YEATS4: variants seen among roughly 807,000 people sequenced by gnomAD.
YEATS4 encodes the protein YEATS domain-containing protein 4.
YEATS4 carries 17 observed loss-of-function variants against 30.1 expected under a neutral mutation model. The observed-to-expected ratio is 0.56, with a 90% CI of 0.39 to 0.85. The LOEUF (loss-of-function observed/expected upper bound fraction) is 0.85, where lower values mean the gene tolerates loss of function less well. Among genes scored for constraint, YEATS4 ranks in the 40% least tolerant of loss-of-function variants. YEATS4 has a pLI of 0.00. For synonymous variants in YEATS4, 85 were observed against 87.5 expected, an observed-to-expected ratio of 0.97 and a Z score of 0.16; for missense variants, 142 against 268.3, an observed-to-expected ratio of 0.53 and a Z score of 3.29.
intron 4 of YEATS4, among the ~76,000 whole-genome samples, chr12:69,369,540 T>C (rs141671111): frequency 0.01 from 1,574 of 152,328 alleles, 32 homozygotes; most frequent in African/African-American, 0.036. Flanking sequence ...TTGCCAGTTC[T>C]GAGCTTGGAG....
intron 4 of YEATS4, among the ~76,000 whole-genome samples, chr12:69,370,361 A>G (rs989175246): frequency 1.3e-5 from 2 of 152,352 alleles, no homozygotes; most frequent in Middle Eastern, 3.4e-3. Flanking sequence ...AGCAGTCACA[A>G]TTAATCCACT....
intron 6 of YEATS4, among the ~76,000 whole-genome samples, chr12:69,371,923 G>C (rs1652847815): frequency 6.6e-6 from 1 of 152,188 alleles, no homozygotes; most frequent in African/African-American, 2.4e-5. Flanking sequence ...GTAAAGGAGT[G>C]ATCTAAGGGA....
In YEATS4 at chr12:69,370,980, G is replaced by A. The variant is rs747908203; in HGVS notation, c.514+5G>A. On this transcript the variant is annotated splice_donor_5th_base_variant and intron_variant, in intron 6 of 6. Transcript: ENST00000247843. ...CCTATAAGCATGAAACAGAATGTAA[G>A]TGCCATGCATTCATAATTCTGAAAA... 6 of 1,604,652 alleles carry A rather than the reference G, an allele frequency of 3.7e-6. No individual in the cohort carries two copies. Among genetic ancestry groups the A allele is most frequent in the South Asian group, 3.4e-5 (3 of 88,992 alleles).
the YEATS4 span, among the ~76,000 whole-genome samples, chr12:69,418,498 T>C: frequency 1.3e-5 from 2 of 152,182 alleles, no homozygotes; most frequent in African/African-American, 4.8e-5. Flanking sequence ...CAAATCTTGA[T>C]TGTCAGTTTG....
At chr12:69,411,701 A>G in the YEATS4 span, among the ~76,000 whole-genome samples, 1 of 152,232 alleles carries the variant, frequency 6.6e-6, no homozygotes, top group Non-Finnish European at 1.5e-5. Context: ...AGAAGGTGGC[A>G]TTAGTGCGAG....
At chr12:69,387,077 C>T (rs543518759) in intron 6 of YEATS4, among the ~76,000 whole-genome samples, 1 of 152,010 alleles carries the variant, frequency 6.6e-6, no homozygotes, top group Admixed American at 6.5e-5. Context: ...TAACTGTAAG[C>T]ATGGAAAATG....
Position 69,359,962 on chromosome 12 carries a change from C to T in YEATS4, c.-11C>T, listed in dbSNP as rs1220744215. The T allele has an allele frequency of 6.2e-7, 1 of 1,612,150 alleles. No individual in the cohort carries two copies. Among genetic ancestry groups the T allele is most frequent in the Non-Finnish European group, 8.5e-7 (1 of 1,179,024 alleles). ...TTTCCCTGGCGGCGGCGGCTTCTTC[C>T]GTGGGACAATATGTTCAAGAGAATG... is the stretch of plus-strand genomic sequence containing the variant. On this transcript the variant is annotated 5_prime_UTR_variant, in exon 1 of 7. Coordinates refer to ENST00000247843, the MANE Select transcript of YEATS4 (RefSeq NM_006530.4).
intron 6 of YEATS4, among the ~76,000 whole-genome samples, chr12:69,380,339 T>C (rs1876024725): frequency 6.6e-6 from 1 of 152,200 alleles, no homozygotes; most frequent in Non-Finnish European, 1.5e-5. Flanking sequence ...AGTAATGCTG[T>C]GGTTCTTGCA....
chr12:69,403,918 C>T, the YEATS4 span, among the ~76,000 whole-genome samples: 8 of 152,258 alleles, frequency 5.3e-5, no homozygotes, highest in African/African-American at 1.9e-4. Flanking sequence ...TCTTCTCTCT[C>T]TTTCACCATG....
chr12:69,415,582 T>G, the YEATS4 span, among the ~76,000 whole-genome samples: 1,782 of 152,158 alleles, frequency 0.012, 16 homozygotes, highest in Non-Finnish European at 0.016. Flanking sequence ...AACAGGTATT[T>G]GGAGCAAGCA....
chr12:69,370,133 C>A (rs1875583677), intron 4 of YEATS4, among the ~76,000 whole-genome samples: 1 of 152,186 alleles, frequency 6.6e-6, no homozygotes, highest in Admixed American at 6.5e-5. Context: ...GAAATAATCA[C>A]ACATTGTGCT....
intron 6 of YEATS4, among the ~76,000 whole-genome samples, chr12:69,389,853 T>G (rs1355045239): frequency 6.6e-6 from 1 of 152,114 alleles, no homozygotes; most frequent in Non-Finnish European, 1.5e-5. Flanking sequence ...GTGTGCCCCC[T>G]TATTTCAATC....
At chr12:69,404,844 T>C in the YEATS4 span, among the ~76,000 whole-genome samples, 33 of 152,336 alleles carry the variant, frequency 2.2e-4, no homozygotes, top group African/African-American at 7.0e-4. Flanking sequence ...CTGCCTTGAT[T>C]AGACTTGGGT....
downstream of YEATS4, among the ~76,000 whole-genome samples, chr12:69,391,953 T>C (rs577454874): frequency 4.6e-5 from 7 of 152,204 alleles, no homozygotes; most frequent in Admixed American, 2.0e-4. Context: ...GTTCAAAATA[T>C]GTGGTCATGG....
chr12:69,393,727 AATACAGAT>A (rs1266591103), downstream of YEATS4, among the ~76,000 whole-genome samples: 95 of 152,310 alleles, frequency 6.2e-4, no homozygotes, highest in African/African-American at 2.0e-3. Context: ...GGGGAGTAGA[AATACAGAT>A]GAAACAAGAT....
At chr12:69,423,584 G>A in the YEATS4 span, among the ~76,000 whole-genome samples, 3 of 152,216 alleles carry the variant, frequency 2.0e-5, no homozygotes, top group African/African-American at 7.2e-5. Context: ...CTGAAACAGA[G>A]TGCCTTGGCA....
intron 4 of YEATS4, among the ~76,000 whole-genome samples, chr12:69,369,055 C>G (rs1233497890): frequency 6.6e-6 from 1 of 152,142 alleles, no homozygotes; most frequent in East Asian, 1.9e-4. Context: ...TAGTAAAACC[C>G]CATCTCAAAC....
At chr12:69,419,036 TA>T in the YEATS4 span, among the ~76,000 whole-genome samples, 1 of 148,324 alleles carries the variant, frequency 6.7e-6, no homozygotes, top group African/African-American at 2.5e-5. Flanking sequence ...TATATATATG[TA>T]TATGAGGCTT....
downstream of YEATS4, among the ~76,000 whole-genome samples, chr12:69,393,433 A>G (rs1868329986): frequency 6.6e-6 from 1 of 152,102 alleles, no homozygotes; most frequent in African/African-American, 2.4e-5. Flanking sequence ...GGGCCACTGC[A>G]TTGCAGCCTG....
Sources: gnomAD v4.1 joint callset for allele counts (sites outside exome capture counted in the v4.1 genomes callset) on GRCh38, gnomAD v4.1.1 for gene constraint, MANE v1.5 for transcripts, NCBI Gene and HGNC (gene_info 2026-07-23, HGNC 2026-07-21) for gene names.